Variants in NID1 observed in about 807,000 individuals in gnomAD.
The protein encoded by NID1 is nidogen 1, also known as nidogen-1.
A neutral mutation model predicts 130.6 loss-of-function variants in NID1; 76 were observed. The ratio of observed to expected loss-of-function variants is 0.58; its 90% CI spans 0.48 to 0.70. NID1 has a LOEUF of 0.70. Among genes scored for constraint, NID1 ranks in the 30% least tolerant of loss-of-function variants. The pLI is 0.00. For synonymous variants in NID1, 665 were observed against 675.1 expected, an observed-to-expected ratio of 0.98 and a Z score of 0.23; for missense variants, 1,517 against 1,664.8, an observed-to-expected ratio of 0.91 and a Z score of 1.54.
rs772605176 is a variant in NID1, at chr1:236,029,759, C to T, written c.1538-9G>A. ...GCGAGTGAACTCACCCCCTGAAAAA[C>T]AAGATGAGACTGTCACTTTGCTGAC... On this transcript the variant is annotated splice_polypyrimidine_tract_variant and intron_variant, in intron 6 of 19. Transcript: ENST00000264187. The T allele has an allele frequency of 1.2e-6, 2 of 1,613,948 alleles. No individual in the cohort carries two copies. The highest frequency in any genetic ancestry group is 2.2e-5 in the South Asian group (2 of 91,056).
At chr1:236,064,123 C>T (rs1572628969) in intron 1 of NID1, among the ~76,000 whole-genome samples, 1 of 152,324 alleles carries the variant, frequency 6.6e-6, no homozygotes, top group Non-Finnish European at 1.5e-5. Flanking sequence ...CCGAGGAAGG[C>T]AGCGGCACGA....
intron 10 of NID1, among the ~76,000 whole-genome samples, chr1:236,015,634 C>G (rs1440946336): frequency 5.7e-5 from 6 of 104,984 alleles, no homozygotes; most frequent in Admixed American, 3.7e-4. Flanking sequence ...GTGACAATAG[C>G]AAAACCCTGT....
At chr1:236,027,727 G>A (rs1328552310) in intron 7 of NID1, among the ~76,000 whole-genome samples, 1 of 152,122 alleles carries the variant, frequency 6.6e-6, no homozygotes, top group Non-Finnish European at 1.5e-5. Context: ...TATTTCAGAG[G>A]TGGAGGCAGG....
chr1:236,021,967 T>C (rs1385012685), intron 9 of NID1, among the ~76,000 whole-genome samples: 2 of 152,222 alleles, frequency 1.3e-5, no homozygotes, highest in Admixed American at 6.5e-5. Context: ...GTTCAAATAC[T>C]ATATTTGTCA....
In NID1 at chr1:236,064,800, C is replaced by T. The variant is rs1660146267; in HGVS notation, c.225+55G>A. Reference sequence around the variant, plus strand: ...CCAAGTCCGTCCGGCTCCACGGGCGCCCCCGGCCCGCCGCGCCCTGCAGCC... The same window carrying T: ...CCAAGTCCGTCCGGCTCCACGGGCGTCCCCGGCCCGCCGCGCCCTGCAGCC... On this transcript the variant is annotated intron_variant, in intron 1 of 19. Transcript: ENST00000264187. 11 of 1,522,278 alleles carry T rather than the reference C, an allele frequency of 7.2e-6. No homozygotes were observed. The East Asian group carries it at 2.4e-4, about 34-fold the overall frequency. 94.3% of individuals were successfully genotyped at this position (1,522,278 alleles called of 1,614,324 possible).
intron 12 of NID1, among the ~76,000 whole-genome samples, chr1:236,011,325 G>A (rs186559748): frequency 1.9e-3 from 232 of 120,484 alleles, no homozygotes; most frequent in African/African-American, 6.8e-3. Flanking sequence ...TTTTTTTTGA[G>A]GCAGTCCCAC....
At chr1:236,046,394 G>A (rs915830277) in intron 2 of NID1, among the ~76,000 whole-genome samples, 4 of 152,070 alleles carry the variant, frequency 2.6e-5, no homozygotes, top group Non-Finnish European at 4.4e-5. Context: ...TTCTGTAATC[G>A]AAACATTTGC....
intron 1 of NID1, chr1:236,064,629 C>T (rs1028400311): frequency 9.0e-6 from 5 of 557,026 alleles, no homozygotes; most frequent in East Asian, 3.9e-5. Context: ...GCCCGGGGCG[C>T]GCGGAGCCAC....
At chr1:236,013,294 G>A (rs1658485740) in intron 11 of NID1, 117 bp downstream of exon 11, 6 of 1,107,194 alleles carry the variant, frequency 5.4e-6, no homozygotes, top group Non-Finnish European at 7.9e-6. Context: ...ACTCTGTGGA[G>A]ATGACAGAAG....
intron 4 of NID1, 75 bp from the exon 5 acceptor site, chr1:236,038,328 A>G (rs1351391946): frequency 6.0e-6 from 9 of 1,507,648 alleles, no homozygotes; most frequent in Non-Finnish European, 7.2e-6. Context: ...TCATCTAGGC[A>G]CCCTCAAGCA....
intron 10 of NID1, 45 bp from the exon 11 acceptor site, chr1:236,013,605 C>T (rs745758993): frequency 7.4e-6 from 12 of 1,612,230 alleles, no homozygotes; most frequent in Non-Finnish European, 1.0e-5. Flanking sequence ...AGAAAGTCCC[C>T]TGAGCAGGCC....
chr1:236,024,302 A>G, intron 8 of NID1, 89 bp from the exon 9 acceptor site: 3 of 1,477,148 alleles, frequency 2.0e-6, no homozygotes, highest in Non-Finnish European at 2.8e-6. Context: ...ACAACTGGTG[A>G]GCAAGAAGGT....
chr1:236,026,073 G>A lies in NID1; in HGVS notation c.1807C>T (p.Arg603Cys), dbSNP rs777371659. The A allele has an allele frequency of 8.7e-6, 14 of 1,613,392 alleles. No individual in the cohort carries two copies. The highest frequency in any genetic ancestry group is 4.4e-5 in the South Asian group (4 of 91,044). ...EPERDGASPSRIYTYQWRQTI... is the reference protein window; with the variant it reads ...EPERDGASPSCIYTYQWRQTI... Reference sequence around the variant, plus strand: ...TGGCGCCACTGGTAAGTGTAGATGCGTGAAGGAGATGCCCCATCTCGCTCG... The same window carrying A: ...TGGCGCCACTGGTAAGTGTAGATGCATGAAGGAGATGCCCCATCTCGCTCG... Residue 603 changes from arginine (R) to cysteine (C), a missense_variant, in exon 8 of 20, where the codon CGC becomes TGC. Physicochemically the swap from Arg to Cys is radical, Grantham distance 180. Transcript: ENST00000264187.
At chr1:236,023,926 A>G (rs1348239667) in intron 9 of NID1, 144 bp downstream of exon 9, 1 of 1,072,754 alleles carries the variant, frequency 9.3e-7, no homozygotes, top group Non-Finnish European at 1.3e-6. Flanking sequence ...AATGTGAAGC[A>G]TAAATAATTC....
At chr1:236,045,159 A>G (rs1299187549) in intron 3 of NID1, among the ~76,000 whole-genome samples, 1 of 145,076 alleles carries the variant, frequency 6.9e-6, no homozygotes, top group Non-Finnish European at 1.5e-5. Flanking sequence ...AGATTGTGCC[A>G]TTGCACTCCA....
intron 7 of NID1, among the ~76,000 whole-genome samples, chr1:236,028,691 T>C (rs942098256): frequency 2.0e-5 from 3 of 151,264 alleles, no homozygotes; most frequent in Non-Finnish European, 2.9e-5. Context: ...AGTATACATA[T>C]ATATATATAT....
At chr1:236,019,070 C>A (rs187543756) in intron 9 of NID1, among the ~76,000 whole-genome samples, 2 of 152,334 alleles carry the variant, frequency 1.3e-5, no homozygotes, top group East Asian at 1.9e-4. Context: ...CTGATATGTG[C>A]GTGTTCTGTG....
intron 9 of NID1, among the ~76,000 whole-genome samples, chr1:236,023,334 T>G (rs1311712812): frequency 6.6e-6 from 1 of 152,208 alleles, no homozygotes; most frequent in East Asian, 1.9e-4. Context: ...GACACTTGAG[T>G]ACACTGTGCT....
intron 1 of NID1, among the ~76,000 whole-genome samples, chr1:236,063,511 G>A (rs957193353): frequency 4.0e-5 from 6 of 151,556 alleles, no homozygotes; most frequent in Non-Finnish European, 7.4e-5. Context: ...AATAAAGTAA[G>A]CATATAAGCA....
Sources: gnomAD v4.1 joint callset for allele counts (sites outside exome capture counted in the v4.1 genomes callset) on GRCh38, gnomAD v4.1.1 for gene constraint, MANE v1.5 for transcripts, NCBI Gene and HGNC (gene_info 2026-07-23, HGNC 2026-07-21) for gene names.